Variants in NGFR observed in about 807,000 individuals in gnomAD.
NGFR encodes the protein tumor necrosis factor receptor superfamily member 16.
In NGFR, 30 loss-of-function variants were observed where a neutral mutation model predicts 43.2. The observed-to-expected ratio is 0.69, with a 90% CI of 0.52 to 0.94. The LOEUF (loss-of-function observed/expected upper bound fraction) is 0.94, where lower values mean the gene tolerates loss of function less well. Among genes scored for constraint, NGFR ranks in the 40% least tolerant of loss-of-function variants. NGFR has a pLI of 0.00. For synonymous variants in NGFR, 246 were observed against 259.6 expected (o/e 0.95, Z 0.50); for missense variants, 529 against 602.5 (o/e 0.88, Z 1.28).
chr17:49,514,476 G>A lies in NGFR; in HGVS notation c.*1467G>A, dbSNP rs1185744964. On this transcript the variant is annotated 3_prime_UTR_variant, in exon 6 of 6. Coordinates refer to ENST00000172229, the MANE Select transcript of NGFR (RefSeq NM_002507.4). Reference sequence around the variant, plus strand: ...CAGAAGGGGGCCATGAGGCCTCAGTGGACTTTCCACCCCCTCCCTGGCCTG... The same window carrying A: ...CAGAAGGGGGCCATGAGGCCTCAGTAGACTTTCCACCCCCTCCCTGGCCTG... 6.6e-6 allele frequency: 1 copy of A among 151,938 alleles called. No individual in the cohort carries two copies. Among genetic ancestry groups the A allele is most frequent in the Non-Finnish European group, 1.5e-5 (1 of 68,018 alleles). The allele number at this position is 151,938 out of a possible 1,614,324, so 9.4% of individuals were successfully genotyped here.
Position 49,511,980 on chromosome 17 carries a change from G to T in NGFR, c.910G>T (p.Asp304Tyr). The change falls in exon 5 of 6, where the codon GAC becomes TAC. Residue 304 changes from aspartate (D) to tyrosine (Y), a missense_variant. Physicochemically the swap from Asp to Tyr is radical, Grantham distance 160. Coordinates refer to ENST00000172229, the MANE Select transcript of NGFR (RefSeq NM_002507.4). Reference sequence around the variant, plus strand: ...ACCAGAGGGAGAAAAACTCCACAGCGACAGTGGCATCTCCGTGGACAGCCA... The same window carrying T: ...ACCAGAGGGAGAAAAACTCCACAGCTACAGTGGCATCTCCGTGGACAGCCA... ...PPPEGEKLHS[D>Y]SGISVDSQSL... 6.2e-7 allele frequency: 1 copy of T among 1,613,844 alleles called. No individual in the cohort carries two copies. The highest frequency in any genetic ancestry group is 8.5e-7 in the Non-Finnish European group (1 of 1,179,934).
intron 1 of NGFR, chr17:49,497,468 G>A (rs2143419247): frequency 6.6e-6 from 1 of 152,506 alleles, no homozygotes; most frequent in East Asian, 1.9e-4. Flanking sequence ...GCAAGAGCGA[G>A]GGTCCCCGCG....
rs533641750 is a variant in NGFR, at chr17:49,512,014, A to G, written c.944A>G (p.His315Arg). Residue 315 changes from histidine to arginine, a missense_variant, in exon 5 of 6, where the codon CAT (histidine) becomes CGT (arginine). Coordinates refer to ENST00000172229, the MANE Select transcript of NGFR (RefSeq NM_002507.4). This position sits in a 1 kb window ranked among gnomAD's most constrained non-coding sequence, Gnocchi z 5.2. ...SGISVDSQSL[H>R]DQQPHTQTAS... ...ATCTCCGTGGACAGCCAGAGCCTGC[A>G]TGACCAGCAGCCCCACACGCAGACA... is the stretch of plus-strand genomic sequence containing the variant. 6.8e-6 allele frequency: 11 copies of G among 1,613,880 alleles called. No individual in the cohort carries two copies. The highest frequency in any genetic ancestry group is 6.6e-5 in the South Asian group (6 of 91,046).
At position 49,506,545 on chromosome 17, in the gene NGFR, G is replaced by A. The variant is rs1268727076; in HGVS notation, c.455G>A (p.Gly152Asp). Residue 152 changes from glycine to aspartate, a missense_variant, in exon 3 of 6, where the codon GGC (glycine) becomes GAC (aspartate). By Grantham distance (94) the Gly-to-Asp change is moderately conservative. Transcript: ENST00000172229. ...QNTVCEECPD[G>D]TYSDEANHVD... is the part of the protein sequence containing the mutation. ...ACCGTGTGCGAGGAGTGCCCCGACG[G>A]CACGTATTCCGACGAGGCCAACCAC... 2.5e-6 allele frequency: 4 copies of A among 1,611,638 alleles called. No homozygotes were observed. The highest frequency in any genetic ancestry group is 3.4e-6 in the Non-Finnish European group (4 of 1,179,602).
At chr17:49,500,855 C>T (rs1201569386) in intron 1 of NGFR, among the ~76,000 whole-genome samples, 1 of 152,200 alleles carries the variant, frequency 6.6e-6, no homozygotes. Flanking sequence ...CCTTCCCCAC[C>T]AAACCCTGAT....
chr17:49,509,034 C>T (rs2071216095), intron 3 of NGFR, among the ~76,000 whole-genome samples: 1 of 152,216 alleles, frequency 6.6e-6, no homozygotes, highest in African/African-American at 2.4e-5. Context: ...TCCAATGCTC[C>T]ACCTGGGGCT....
rs1343487403 is a variant in NGFR at position 49,510,479 on chromosome 17, C to T, written c.636C>T (p.Thr212=). ...PEGSDSTAPS[T]QEPEAPPEQD... is the part of the protein sequence containing the mutation. ...GCTCGGACAGCACAGCCCCCAGCAC[C>T]CAGGAGCCTGAGGCACCTCCAGAAC... The change falls in exon 4 of 6, where the codon ACC becomes ACT. Residue 212 remains threonine (T), a synonymous_variant. Transcript: ENST00000172229. The T allele has an allele frequency of 1.2e-6, 2 of 1,614,008 alleles. No individual in the cohort carries two copies. Among genetic ancestry groups the T allele is most frequent in the Admixed American group, 1.7e-5 (1 of 60,002 alleles).
intron 4 of NGFR, among the ~76,000 whole-genome samples, chr17:49,511,522 T>G (rs1469399967): frequency 1.3e-5 from 2 of 152,084 alleles, no homozygotes; most frequent in East Asian, 1.9e-4. Flanking sequence ...GACATTTGTT[T>G]TTTTTTTTTT....
At chr17:49,499,450 C>G (rs2143422673) in intron 1 of NGFR, among the ~76,000 whole-genome samples, 1 of 152,308 alleles carries the variant, frequency 6.6e-6, no homozygotes, top group East Asian at 1.9e-4. Flanking sequence ...TCATCATTAC[C>G]TAATTATGAC....
In NGFR at chr17:49,513,011, C is replaced by A. The variant is rs777662727; in HGVS notation, c.*2C>A. 1 of 1,540,360 alleles carries A rather than the reference C, an allele frequency of 6.5e-7. No homozygotes were observed. Among genetic ancestry groups the A allele is most frequent in the Non-Finnish European group, 8.8e-7 (1 of 1,141,226 alleles). The stretch of plus-strand genomic sequence containing the variant: ...TCCACTGCCACATCCCCGGTGTGAG[C>A]CCAACCGGGGAGCCCCCGCCCCGCC... On this transcript the variant is annotated 3_prime_UTR_variant, in exon 6 of 6. Coordinates refer to ENST00000172229, the MANE Select transcript of NGFR (RefSeq NM_002507.4).
In NGFR at chr17:49,512,194, C is replaced by A. The variant is rs908213910; in HGVS notation, c.982+142C>A. 4 of 1,073,810 alleles carry A rather than the reference C, an allele frequency of 3.7e-6. No individual in the cohort carries two copies. The Admixed American group carries it at 8.6e-5, about 23-fold the overall frequency. The allele number at this position is 1,073,810 out of a possible 1,614,324, so 66.5% of individuals were successfully genotyped here. A position where few individuals can be genotyped will look rare whatever the true frequency, so the allele number is the denominator to read the frequency against. ...CCCTGTAGATGGATGGAGAGGCTGG[C>A]CGAGGGGAATGGGAGGGAGAGGTCC... On this transcript the variant is annotated intron_variant, in intron 5 of 5. Coordinates refer to ENST00000172229, the MANE Select transcript of NGFR (RefSeq NM_002507.4). The surrounding 1 kb of genome is among the most constrained non-coding windows in gnomAD (Gnocchi z 5.2).
chr17:49,513,533 G>A lies in NGFR; in HGVS notation c.*524G>A, dbSNP rs11466162. On this transcript the variant is annotated 3_prime_UTR_variant, in exon 6 of 6. Coordinates refer to ENST00000172229, the MANE Select transcript of NGFR (RefSeq NM_002507.4). ...ACCCCAGCCTAAGATGAAGAGGATCGGAGGCTTGTCAGAGCTGGGAGGGGT... is the reference window on the plus strand; with the variant it reads ...ACCCCAGCCTAAGATGAAGAGGATCAGAGGCTTGTCAGAGCTGGGAGGGGT... 1,399 of 154,510 alleles carry A rather than the reference G, an allele frequency of 9.1e-3. 37 individuals carry two copies. The East Asian group carries it at 0.092, about 10-fold the overall frequency. 9.6% of individuals were successfully genotyped at this position (154,510 alleles called of 1,614,324 possible). A position where few individuals can be genotyped will look rare whatever the true frequency, so the allele number is the denominator to read the frequency against.
At chr17:49,500,993 C>G (rs1258468194) in intron 1 of NGFR, among the ~76,000 whole-genome samples, 1 of 152,232 alleles carries the variant, frequency 6.6e-6, no homozygotes, top group Non-Finnish European at 1.5e-5. Context: ...GACCCCAAAG[C>G]CCATACTTCT....
Position 49,513,053 on chromosome 17 carries a change from G to A in NGFR, c.*44G>A, listed in dbSNP as rs762536179. On this transcript the variant is annotated 3_prime_UTR_variant, in exon 6 of 6. Transcript: ENST00000172229. ...CGCCCCGCCCCACATTCCGACAACC[G>A]ATGCTCCAGCCAACCCCTGTGGAGC... The A allele has an allele frequency of 2.3e-5, 34 of 1,463,602 alleles. No individual in the cohort carries two copies. Among genetic ancestry groups the A allele is most frequent in the Middle Eastern group, 2.5e-4 (1 of 4,008 alleles). The allele number at this position is 1,463,602 out of a possible 1,614,324, so 90.7% of individuals were successfully genotyped here.
At chr17:49,504,103 C>A (rs147399648) in intron 2 of NGFR, among the ~76,000 whole-genome samples, 1 of 152,114 alleles carries the variant, frequency 6.6e-6, no homozygotes, top group Non-Finnish European at 1.5e-5. Context: ...CTTTATGGGA[C>A]GGAGACCCCA....
At chr17:49,503,722 G>C (rs2071180533) in intron 2 of NGFR, among the ~76,000 whole-genome samples, 1 of 152,290 alleles carries the variant, frequency 6.6e-6, no homozygotes, top group South Asian at 2.1e-4. Flanking sequence ...TTGCCGTCTT[G>C]CTTCATGGCC....
At chr17:49,511,403 G>A (rs2537707) in intron 4 of NGFR, among the ~76,000 whole-genome samples, 151,862 of 152,316 alleles carry the variant, frequency 1, 75,705 homozygotes, top group Middle Eastern at 1. Context: ...TTTTCACTCA[G>A]TCTCCCTCAG....
chr17:49,497,682 C>T (rs925392946), intron 1 of NGFR: 1 of 152,358 alleles, frequency 6.6e-6, no homozygotes, highest in African/African-American at 2.4e-5. Context: ...CAGAGCGCGT[C>T]CCGGCGGGTC....
chr17:49,506,239 C>T, intron 2 of NGFR, 60 bp from the exon 3 acceptor site: 1 of 1,506,150 alleles, frequency 6.6e-7, no homozygotes, highest in South Asian at 1.3e-5. Context: ...GAGACTCCAG[C>T]TCCTGCGTCC....
Sources: allele counts gnomAD v4.1 joint callset (sites outside exome capture counted in the v4.1 genomes callset), GRCh38; gene constraint gnomAD v4.1.1; non-coding constraint Gnocchi (gnomAD v3.1); transcripts MANE v1.5; gene names NCBI Gene and HGNC (gene_info 2026-07-23, HGNC 2026-07-21).